The following PIP5K1A variants were observed in gnomAD, a reference collection of about 807,000 sequenced individuals.
PIP5K1A encodes phosphatidylinositol-4-phosphate 5-kinase type 1 alpha.
In PIP5K1A, 46 loss-of-function variants were observed where a neutral mutation model predicts 72.9. The ratio of observed to expected loss-of-function variants is 0.63; its 90% CI spans 0.50 to 0.81. The LOEUF (loss-of-function observed/expected upper bound fraction) is 0.81, where lower values mean the gene tolerates loss of function less well. Among genes scored for constraint, PIP5K1A ranks in the 30% least tolerant of loss-of-function variants. The pLI is 0.00. For synonymous variants in PIP5K1A, 228 were observed against 255.1 expected, an observed-to-expected ratio of 0.89 and a Z score of 1.01; for missense variants, 458 against 706.1, an observed-to-expected ratio of 0.65 and a Z score of 3.98.
Position 151,198,658 on chromosome 1 carries a change from C to T in PIP5K1A, c.-339C>T. 3.2e-6 allele frequency: 1 copy of T among 314,510 alleles called. No individual in the cohort carries two copies. Among genetic ancestry groups the T allele is most frequent in the Non-Finnish European group, 6.0e-6 (1 of 166,734 alleles). 19.5% of individuals were successfully genotyped at this position (314,510 alleles called of 1,614,324 possible). ...GTTCGCTCCTTTGGGACTTTTCATG[C>T]CTCGTTTTTTTTTCAGATGTGGCTT... On this transcript the variant is annotated 5_prime_UTR_variant, in exon 1 of 16. Coordinates refer to ENST00000368888, the MANE Select transcript of PIP5K1A (RefSeq NM_001135638.2).
chr1:151,232,406 G>C, intron 6 of PIP5K1A, 41 bp downstream of exon 6: 1 of 1,514,564 alleles, frequency 6.6e-7, no homozygotes, highest in Non-Finnish European at 9.2e-7. Flanking sequence ...TCCAGTATCA[G>C]AGGGATATTC....
intron 1 of PIP5K1A, among the ~76,000 whole-genome samples, chr1:151,204,091 T>C (rs1685591504): frequency 6.6e-6 from 1 of 152,126 alleles, no homozygotes; most frequent in African/African-American, 2.4e-5. Context: ...CAGTCTGTGA[T>C]TCTGATTGCT....
rs1053123616 is a variant in PIP5K1A at position 151,231,897 on chromosome 1, A to G, written c.368+96A>G. ...GGGGTTCAGGTCGGACAATTTAGAC[A>G]TGTGTCCATTTCTTAACCTGGTTAC... On this transcript the variant is annotated intron_variant, in intron 5 of 15. Coordinates refer to ENST00000368888, the MANE Select transcript of PIP5K1A (RefSeq NM_001135638.2). The G allele has an allele frequency of 1.1e-5, 12 of 1,124,604 alleles. No homozygotes were observed. The Admixed American group carries it at 2.2e-4, about 20-fold the overall frequency. 69.7% of individuals were successfully genotyped at this position (1,124,604 alleles called of 1,614,324 possible).
chr1:151,222,378 G>A (rs889329007), intron 1 of PIP5K1A, among the ~76,000 whole-genome samples: 7 of 152,176 alleles, frequency 4.6e-5, no homozygotes, highest in South Asian at 2.1e-4. Flanking sequence ...GAGCGACATC[G>A]TCTCATCTTT....
At chr1:151,234,056 A>G (rs187718357) in intron 7 of PIP5K1A, 141 bp from the exon 8 acceptor site, 24 of 656,684 alleles carry the variant, frequency 3.7e-5, no homozygotes, top group Non-Finnish European at 6.3e-5. Flanking sequence ...TGTAAAGCAT[A>G]TATGATGTAG....
chr1:151,205,906 C>A (rs1464983544), intron 1 of PIP5K1A, among the ~76,000 whole-genome samples: 2 of 152,118 alleles, frequency 1.3e-5, no homozygotes, highest in African/African-American at 4.8e-5. Flanking sequence ...ATACTCTTTC[C>A]TGATGGCCAG....
In PIP5K1A at chr1:151,199,131, G is replaced by C. The variant is rs775211056; in HGVS notation, c.85+50G>C. On this transcript the variant is annotated intron_variant, in intron 1 of 15. Transcript: ENST00000368888. ...GGAGCTGGTGAGGAATATGCGATGG[G>C]AGGAAGAGCGAGACCTAAGAGGGTA... 4 of 1,612,712 alleles carry C rather than the reference G, an allele frequency of 2.5e-6. No homozygotes were observed. The South Asian group carries it at 4.4e-5, about 18-fold the overall frequency.
intron 1 of PIP5K1A, among the ~76,000 whole-genome samples, chr1:151,207,763 C>G (rs983154137): frequency 9.3e-5 from 14 of 151,258 alleles, no homozygotes; most frequent in African/African-American, 3.4e-4. Context: ...AACTCCTGAC[C>G]TCGTGATCTG....
At chr1:151,205,508 G>C (rs587629096) in intron 1 of PIP5K1A, among the ~76,000 whole-genome samples, 4 of 151,332 alleles carry the variant, frequency 2.6e-5, no homozygotes, top group South Asian at 2.1e-4. Flanking sequence ...CTTACTTGAC[G>C]TAAAGAAGGG....
intron 4 of PIP5K1A, among the ~76,000 whole-genome samples, chr1:151,229,734 T>A (rs1302312982): frequency 6.9e-6 from 1 of 145,958 alleles, no homozygotes; most frequent in Non-Finnish European, 1.5e-5. Flanking sequence ...GGCAGGTACT[T>A]AAAAAAAAAA....
At chr1:151,232,171 T>A in intron 5 of PIP5K1A, 77 bp from the exon 6 acceptor site, 1 of 941,004 alleles carries the variant, frequency 1.1e-6, no homozygotes, top group Non-Finnish European at 1.8e-6. Flanking sequence ...ATGAGGTGAC[T>A]CTGAGTGTCT....
At chr1:151,223,345 T>C (rs1688660359) in intron 1 of PIP5K1A, among the ~76,000 whole-genome samples, 1 of 127,678 alleles carries the variant, frequency 7.8e-6, no homozygotes, top group Non-Finnish European at 1.6e-5. Flanking sequence ...CAAAACTCCG[T>C]CTCAAAAAAA....
intron 1 of PIP5K1A, among the ~76,000 whole-genome samples, chr1:151,206,678 G>C (rs1453329399): frequency 2.0e-5 from 3 of 152,136 alleles, no homozygotes; most frequent in Non-Finnish European, 4.4e-5. Flanking sequence ...CGATTCACCA[G>C]CCTCAGCCTC....
intron 1 of PIP5K1A, among the ~76,000 whole-genome samples, chr1:151,223,357 A>G (rs1688662346): frequency 6.6e-6 from 1 of 151,228 alleles, no homozygotes. Flanking sequence ...TCAAAAAAAA[A>G]AAAAAAGGCC....
At chr1:151,233,427 C>T (rs1159035733) in intron 7 of PIP5K1A, 1 of 152,272 alleles carries the variant, frequency 6.6e-6, no homozygotes, top group Non-Finnish European at 1.5e-5. Context: ...CCTCAGCCTC[C>T]TGAGTAGCTG....
chr1:151,200,971 A>G (rs1685142348), intron 1 of PIP5K1A, among the ~76,000 whole-genome samples: 1 of 151,984 alleles, frequency 6.6e-6, no homozygotes, highest in African/African-American at 2.4e-5. Context: ...CTGGGACTAC[A>G]GGCGCCCACC....
chr1:151,220,313 C>A (rs1688237141), intron 1 of PIP5K1A, among the ~76,000 whole-genome samples: 1 of 151,702 alleles, frequency 6.6e-6, no homozygotes, highest in Admixed American at 6.6e-5. Context: ...TTGCCTGTCT[C>A]TATTTTAAAA....
At chr1:151,241,754 C>T (rs868586574) in intron 12 of PIP5K1A, among the ~76,000 whole-genome samples, 27 of 149,212 alleles carry the variant, frequency 1.8e-4, no homozygotes, top group African/African-American at 6.2e-4. Flanking sequence ...GAGCCAAGAT[C>T]GCGCCATTGC....
rs1281659302 is a variant in PIP5K1A, at chr1:151,242,499, G to A, written c.1572G>A (p.Glu524=). ...CTCCACCTTTGGAGGAAATCAGTGA[G>A]GGCTCGCCTATTCCTGACCCCAGTT... ...PQTPPLEEIS[E]GSPIPDPSFS... is the part of the protein sequence containing the mutation. Residue 524 remains glutamate, a synonymous_variant, in exon 14 of 16, where the codon GAG becomes GAA. Coordinates refer to ENST00000368888, the MANE Select transcript of PIP5K1A (RefSeq NM_001135638.2). The A allele has an allele frequency of 1.2e-6, 2 of 1,613,414 alleles. No homozygotes were observed. The highest frequency in any genetic ancestry group is 2.7e-5 in the African/African-American group (2 of 74,898).
Sources: allele counts gnomAD v4.1 joint callset (sites outside exome capture counted in the v4.1 genomes callset), GRCh38; gene constraint gnomAD v4.1.1; transcripts MANE v1.5; gene names NCBI Gene and HGNC (gene_info 2026-07-23, HGNC 2026-07-21).